Variants in NCEH1 observed in about 807,000 individuals in gnomAD.
NCEH1 encodes neutral cholesterol ester hydrolase 1.
In NCEH1, 9 loss-of-function variants were observed where a neutral mutation model predicts 25.4. That is an observed-to-expected ratio of 0.35 (90% CI 0.21 to 0.62). The LOEUF is 0.62. Among genes scored for constraint, NCEH1 ranks in the 20% least tolerant of loss-of-function variants. The probability of loss-of-function intolerance (pLI) is 0.72; values close to 1 mark genes in which losing one functional copy is unlikely to be tolerated. For missense variants in NCEH1, 412 were observed against 501.1 expected (o/e 0.82, Z 1.70); for synonymous variants, 200 against 199.8 (o/e 1.00, Z -0.01).
chr3:172,708,414 G>A (rs1315930810), intron 1 of NCEH1, among the ~76,000 whole-genome samples: 4 of 152,164 alleles, frequency 2.6e-5, no homozygotes, highest in Non-Finnish European at 5.9e-5. Context: ...GGAGTGCAGT[G>A]GCACAATCTC....
chr3:172,710,025 G>A (rs1261879563), intron 1 of NCEH1, among the ~76,000 whole-genome samples: 1 of 152,120 alleles, frequency 6.6e-6, no homozygotes, highest in Non-Finnish European at 1.5e-5. Flanking sequence ...ATAAACCAGA[G>A]ACAGTTATAT....
intron 1 of NCEH1, among the ~76,000 whole-genome samples, chr3:172,660,818 GGATT>G (rs1717940844): frequency 6.6e-6 from 1 of 151,880 alleles, no homozygotes. Context: ...CTTTTTGATG[GGATT>G]GATTTTTTCT....
intron 1 of NCEH1, among the ~76,000 whole-genome samples, chr3:172,654,731 C>A: frequency 6.6e-6 from 1 of 152,246 alleles, no homozygotes; most frequent in East Asian, 1.9e-4. Flanking sequence ...CTTAAAGCAT[C>A]GATTCTAACT....
chr3:172,650,526 G>C (rs923369115), intron 1 of NCEH1, among the ~76,000 whole-genome samples: 5 of 151,780 alleles, frequency 3.3e-5, no homozygotes, highest in African/African-American at 4.8e-5. Context: ...GCGGGCGCCT[G>C]TAGTCCCAGC....
intron 1 of NCEH1, among the ~76,000 whole-genome samples, chr3:172,678,923 T>C (rs1712176643): frequency 6.6e-6 from 1 of 152,210 alleles, no homozygotes; most frequent in South Asian, 2.1e-4. Flanking sequence ...CCATTTTTAC[T>C]TCCTGCAGAA....
At chr3:172,681,606 T>C (rs1712378396) in intron 1 of NCEH1, among the ~76,000 whole-genome samples, 1 of 151,726 alleles carries the variant, frequency 6.6e-6, no homozygotes, top group Non-Finnish European at 1.5e-5. Flanking sequence ...CTGAACACAT[T>C]CAGCCAGGTG....
In NCEH1 at chr3:172,675,319, A is replaced by AATTAATT. The variant is rs1553835588; in HGVS notation, c.139-27206_139-27205insAATTAAT. 1.1e-3 allele frequency among the ~76,000 whole-genome samples: 152 copies of AATTAATT among 141,892 alleles called. 3 individuals are homozygous for AATTAATT. Among genetic ancestry groups the AATTAATT allele is most frequent in the South Asian group, 2.4e-3 (11 of 4,670 alleles). 93.1% of individuals were successfully genotyped at this position (141,892 alleles called of 152,430 possible). A position where few individuals can be genotyped will look rare whatever the true frequency, so the allele number is the denominator to read the frequency against. On this transcript the variant is annotated intron_variant, in intron 1 of 4. Transcript: ENST00000475381. ...TCCTGTCTCAAATAAATAAATAAAT[A>AATTAATT]AATAAATAAATAAATAAATAAATGA...
rs234013 is a variant in NCEH1 at position 172,635,728 on chromosome 3, A to C, written c.609+188T>G. On this transcript the variant is annotated intron_variant, in intron 4 of 4. Transcript: ENST00000475381. ...AAGACTCATAGGTGATACTTCCTCC[A>C]ATGACTCATCTTCCTACTTCAACGA... Among the ~76,000 whole-genome samples the C allele has an allele frequency of 6.8e-4, 103 of 152,316 alleles. 2 individuals are homozygous for C. Among genetic ancestry groups the C allele is most frequent in the Admixed American group, 1.1e-3 (17 of 15,292 alleles).
intron 1 of NCEH1, among the ~76,000 whole-genome samples, chr3:172,693,574 T>G (rs1713185967): frequency 6.6e-6 from 1 of 152,220 alleles, no homozygotes; most frequent in Admixed American, 6.5e-5. Context: ...ATTCTATTAT[T>G]TGCTCTCGAA....
chr3:172,700,768 G>C (rs368582711), intron 1 of NCEH1, among the ~76,000 whole-genome samples: 5 of 152,018 alleles, frequency 3.3e-5, no homozygotes, highest in African/African-American at 1.2e-4. Context: ...ACCGTGCCTG[G>C]CCCTGATCAT....
chr3:172,686,159 G>T (rs199682867), intron 1 of NCEH1, among the ~76,000 whole-genome samples: 1 of 152,194 alleles, frequency 6.6e-6, no homozygotes, highest in East Asian at 1.9e-4. Context: ...CATCCCTTGA[G>T]ACTGCTTTGG....
At chr3:172,657,423 T>C (rs938369605) in intron 1 of NCEH1, among the ~76,000 whole-genome samples, 1 of 152,216 alleles carries the variant, frequency 6.6e-6, no homozygotes, top group African/African-American at 2.4e-5. Context: ...GAAACCTTAC[T>C]ATTGTCCTCA....
intron 3 of NCEH1, among the ~76,000 whole-genome samples, chr3:172,642,602 A>AT (rs1560180523): frequency 2.6e-5 from 3 of 117,632 alleles, no homozygotes; most frequent in Non-Finnish European, 5.2e-5. Flanking sequence ...TGCTATTTCT[A>AT]CAAAAAAAAA....
rs1486500313 is a variant in NCEH1, at chr3:172,630,539, C to A, written c.*2936G>T. On this transcript the variant is annotated 3_prime_UTR_variant, in exon 5 of 5. Coordinates refer to ENST00000475381, the MANE Select transcript of NCEH1 (RefSeq NM_020792.6). Reference sequence around the variant, plus strand: ...TAAAGGAAAGACAGCTGGAGTACTCCACTGGGCAGAAGATTGGGAAAGAAT... The same window carrying A: ...TAAAGGAAAGACAGCTGGAGTACTCAACTGGGCAGAAGATTGGGAAAGAAT... 6.6e-6 allele frequency: 1 copy of A among 152,240 alleles called. No individual in the cohort carries two copies. Among genetic ancestry groups the A allele is most frequent in the Non-Finnish European group, 1.5e-5 (1 of 68,078 alleles). 9.4% of individuals were successfully genotyped at this position (152,240 alleles called of 1,614,324 possible).
chr3:172,639,772 A>G (rs1716765274), intron 3 of NCEH1, among the ~76,000 whole-genome samples: 1 of 152,232 alleles, frequency 6.6e-6, no homozygotes, highest in Non-Finnish European at 1.5e-5. Context: ...AATTTGGTGT[A>G]AATTCAGGCA....
chr3:172,700,392 A>T (rs1437643563), intron 1 of NCEH1, among the ~76,000 whole-genome samples: 2 of 152,214 alleles, frequency 1.3e-5, no homozygotes, highest in African/African-American at 4.8e-5. Context: ...CAAAAAATTC[A>T]CTAGTGACTA....
chr3:172,691,197 C>T (rs953128355), intron 1 of NCEH1, among the ~76,000 whole-genome samples: 1 of 152,172 alleles, frequency 6.6e-6, no homozygotes, highest in Non-Finnish European at 1.5e-5. Context: ...TCTGCTTCCC[C>T]TCATGACCAA....
intron 1 of NCEH1, among the ~76,000 whole-genome samples, chr3:172,653,341 G>A (rs951724034): frequency 6.6e-6 from 1 of 152,144 alleles, no homozygotes; most frequent in Non-Finnish European, 1.5e-5. Flanking sequence ...CTCTGTTTAT[G>A]AATATATAAA....
intron 1 of NCEH1, among the ~76,000 whole-genome samples, chr3:172,694,157 G>C (rs1713227345): frequency 6.6e-6 from 1 of 152,102 alleles, no homozygotes; most frequent in Non-Finnish European, 1.5e-5. Flanking sequence ...TCCTCCCCAA[G>C]CATGAGCCAC....
Sources: allele counts gnomAD v4.1 joint callset (sites outside exome capture counted in the v4.1 genomes callset), GRCh38; gene constraint gnomAD v4.1.1; transcripts MANE v1.5; gene names NCBI Gene and HGNC (gene_info 2026-07-23, HGNC 2026-07-21).